Variants in MYT1L observed in about 807,000 individuals in gnomAD.
The protein encoded by MYT1L is myelin transcription factor 1 like.
A neutral mutation model predicts 126.7 loss-of-function variants in MYT1L; 12 were observed. The observed-to-expected ratio is 0.09, with a 90% CI of 0.06 to 0.15. MYT1L has a LOEUF of 0.15. Among genes scored for constraint, MYT1L ranks in the 10% least tolerant of loss-of-function variants. MYT1L has a pLI of 1.00. For missense variants in MYT1L, 979 were observed against 1,585.2 expected (o/e 0.62, Z 6.49); for synonymous variants, 541 against 604.2 (o/e 0.90, Z 1.53).
chr2:2,064,401 C>T (rs977467939), intron 3 of MYT1L, among the ~76,000 whole-genome samples: 1 of 152,094 alleles, frequency 6.6e-6, no homozygotes, highest in African/African-American at 2.4e-5. Flanking sequence ...AGAAGTTGTC[C>T]AGGAGAACAT....
intron 23 of MYT1L, 141 bp from the exon 24 acceptor site, chr2:1,792,605 C>G: frequency 1.1e-6 from 1 of 914,674 alleles, no homozygotes. Context: ...CGCCGTGGCT[C>G]ACGCCTGGAA....
rs537981902 is a variant in MYT1L at position 1,916,491 on chromosome 2, G to A, written c.1618+714C>T. ...TCCCTGAACCATCAATTCTAGCTGC[G>A]GTATTTAATTTATTGGCATACTTTA... is the stretch of plus-strand genomic sequence containing the variant. On this transcript the variant is annotated intron_variant, in intron 11 of 24. Transcript: ENST00000647738. Among the ~76,000 whole-genome samples the A allele has an allele frequency of 7.9e-5, 12 of 152,032 alleles. No individual in the cohort carries two copies. The South Asian group carries it at 1.0e-3, about 13-fold the overall frequency.
Position 2,103,246 on chromosome 2 carries a change from A to T in MYT1L, c.-303-49123T>A, listed in dbSNP as rs780658369. On this transcript the variant is annotated intron_variant, in intron 3 of 24. Coordinates refer to ENST00000647738, the MANE Select transcript of MYT1L (RefSeq NM_001303052.2). Reference sequence around the variant, plus strand: ...TTACAATGGCCTCTACATGGGCCCAAATTTGAAAAATTAATCATCCTTGGT... The same window carrying T: ...TTACAATGGCCTCTACATGGGCCCATATTTGAAAAATTAATCATCCTTGGT... Among the ~76,000 whole-genome samples, 138 of 152,200 alleles carry T rather than the reference A, an allele frequency of 9.1e-4. 3 individuals carry two copies. Among genetic ancestry groups the T allele is most frequent in the Non-Finnish European group, 1.8e-4 (12 of 68,030 alleles).
rs1302704172 is a variant in MYT1L, at chr2:1,979,343, C to T, written c.90-116G>A. ...AGACAGAGGAGAGAAATCACACAAT[C>T]CAAAGGAGGGGGAAATTCGGGGAGG... On this transcript the variant is annotated intron_variant, in intron 7 of 24. Transcript: ENST00000647738. The surrounding 1 kb of genome is among the most constrained non-coding windows in gnomAD (Gnocchi z 4.0). 1.8e-6 allele frequency: 2 copies of T among 1,135,112 alleles called. No homozygotes were observed. Among genetic ancestry groups the T allele is most frequent in the Non-Finnish European group, 2.6e-6 (2 of 766,926 alleles). 70.3% of individuals were successfully genotyped at this position (1,135,112 alleles called of 1,614,324 possible). A position where few individuals can be genotyped will look rare whatever the true frequency, so the allele number is the denominator to read the frequency against.
intron 13 of MYT1L, among the ~76,000 whole-genome samples, chr2:1,905,103 G>A (rs2050873199): frequency 6.6e-6 from 1 of 152,164 alleles, no homozygotes; most frequent in African/African-American, 2.4e-5. Flanking sequence ...TGGCCAGGCT[G>A]GTCTTGAACC....
chr2:1,874,644 GTGA>G (rs1392406568), intron 18 of MYT1L, among the ~76,000 whole-genome samples: 1 of 152,224 alleles, frequency 6.6e-6, no homozygotes, highest in Non-Finnish European at 1.5e-5. Flanking sequence ...CCTGCTGCAG[GTGA>G]TGATGTCGGA....
rs555632641 is a variant in MYT1L, at chr2:2,203,376, C to T, written c.-420-30388G>A. Among the ~76,000 whole-genome samples, 58 of 144,776 alleles carry T rather than the reference C, an allele frequency of 4.0e-4. 4 individuals are homozygous for T. Among genetic ancestry groups the T allele is most frequent in the African/African-American group, 1.4e-3 (52 of 37,406 alleles). 95.0% of individuals were successfully genotyped at this position (144,776 alleles called of 152,430 possible). A position where few individuals can be genotyped will look rare whatever the true frequency, so the allele number is the denominator to read the frequency against. On this transcript the variant is annotated intron_variant, in intron 2 of 24. Transcript: ENST00000647738. ...TTACTGCATATTTAGAAAACCCCATCGTCTCAGCTCCTTAAGCTGATAAGC... is the reference window on the plus strand; with the variant it reads ...TTACTGCATATTTAGAAAACCCCATTGTCTCAGCTCCTTAAGCTGATAAGC...
At chr2:2,097,650 A>C (rs984970337) in intron 3 of MYT1L, among the ~76,000 whole-genome samples, 1 of 152,202 alleles carries the variant, frequency 6.6e-6, no homozygotes, top group Admixed American at 6.5e-5. Context: ...CTCTGTGTCC[A>C]TGAGACTTAC....
chr2:1,974,829 T>C (rs1329982931), intron 8 of MYT1L: 2 of 152,174 alleles, frequency 1.3e-5, no homozygotes, highest in Admixed American at 1.3e-4. Context: ...TCAGTAAAAT[T>C]AGGTGATCAT....
chr2:1,866,060 C>T (rs563907368), intron 18 of MYT1L, among the ~76,000 whole-genome samples: 92 of 152,234 alleles, frequency 6.0e-4, no homozygotes, highest in Non-Finnish European at 1.0e-3. Context: ...GCAGCAGGGG[C>T]GGACTGAAAG....
At position 1,961,560 on chromosome 2, in the gene MYT1L, C is replaced by A. The variant is rs66796535; in HGVS notation, c.152+17605G>T. On this transcript the variant is annotated intron_variant, in intron 8 of 24. Transcript: ENST00000647738. ...GACGCGTGTGCTGGGCCTCTGCCAT[C>A]GGGCTTCGTGCACCCACACTGGCAG... Among the ~76,000 whole-genome samples the A allele has an allele frequency of 1.4e-3, 215 of 152,316 alleles. 1 individual carries two copies. Among genetic ancestry groups the A allele is most frequent in the African/African-American group, 4.9e-3 (203 of 41,558 alleles).
At chr2:1,983,026 TA>T (rs1468107144) in intron 5 of MYT1L, among the ~76,000 whole-genome samples, 8 of 152,210 alleles carry the variant, frequency 5.3e-5, no homozygotes, top group Admixed American at 2.0e-4. Flanking sequence ...TTTATGCATA[TA>T]GGGGCAAACT....
chr2:1,950,690 T>TG (rs2057668100), intron 8 of MYT1L, among the ~76,000 whole-genome samples: 1 of 152,100 alleles, frequency 6.6e-6, no homozygotes. Flanking sequence ...GGAGGCTGCA[T>TG]GGGCAGGAGG....
intron 2 of MYT1L, among the ~76,000 whole-genome samples, chr2:2,221,569 C>T (rs2093873073): frequency 6.6e-6 from 1 of 152,092 alleles, no homozygotes; most frequent in Non-Finnish European, 1.5e-5. Context: ...GGAGAGAGAG[C>T]AAGAGAAAGA....
intron 3 of MYT1L, among the ~76,000 whole-genome samples, chr2:2,074,267 C>T (rs1277942968): frequency 6.6e-6 from 1 of 152,114 alleles, no homozygotes; most frequent in East Asian, 1.9e-4. Flanking sequence ...TCTGGTTTCA[C>T]ACAAAAGTTG....
At chr2:1,842,874 CTT>C (rs2041955117) in intron 19 of MYT1L, 1 of 137,430 alleles carries the variant, frequency 7.3e-6, no homozygotes, top group Non-Finnish European at 1.5e-5. Flanking sequence ...CCAGCTTCCG[CTT>C]CCAGGCGCTT....
intron 2 of MYT1L, among the ~76,000 whole-genome samples, chr2:2,270,577 T>TC (rs1481014653): frequency 6.6e-6 from 1 of 151,474 alleles, no homozygotes; most frequent in Non-Finnish European, 1.5e-5. Flanking sequence ...TTACAGCCAA[T>TC]CCGAGCAATG....
chr2:2,032,974 A>G (rs575317301), intron 4 of MYT1L, among the ~76,000 whole-genome samples: 1 of 139,732 alleles, frequency 7.2e-6, no homozygotes, highest in East Asian at 2.3e-4. Context: ...CAGATTCTAG[A>G]AGGAGTGCCT....
At chr2:2,156,518 C>T (rs1389186782) in intron 3 of MYT1L, among the ~76,000 whole-genome samples, 1 of 152,238 alleles carries the variant, frequency 6.6e-6, no homozygotes, top group African/African-American at 2.4e-5. Context: ...ATTCCTTTCT[C>T]ATAAGCAAAT....
Sources: gnomAD v4.1 joint callset for allele counts (sites outside exome capture counted in the v4.1 genomes callset) on GRCh38, gnomAD v4.1.1 for gene constraint, Gnocchi (gnomAD v3.1) non-coding constraint, MANE v1.5 for transcripts, NCBI Gene and HGNC (gene_info 2026-07-23, HGNC 2026-07-21) for gene names.